Variants in TSHZ2 observed in about 807,000 individuals in gnomAD.
TSHZ2 encodes the protein teashirt zinc finger homeobox 2, also known as teashirt homolog 2.
In TSHZ2, 21 loss-of-function variants were observed where a neutral mutation model predicts 74.4. The observed-to-expected ratio is 0.28, with a 90% CI of 0.20 to 0.41. The LOEUF is 0.41. Ranked by LOEUF, TSHZ2 falls within the 10% of genes least tolerant of loss-of-function variation. The pLI, the probability that TSHZ2 is intolerant of heterozygous loss-of-function variation, is 1.00. For synonymous variants in TSHZ2, 540 were observed against 515.3 expected, an observed-to-expected ratio of 1.05 and a Z score of -0.65; for missense variants, 1,244 against 1,293.5, an observed-to-expected ratio of 0.96 and a Z score of 0.59.
chr20:53,468,122 G>GC (rs1407079599), intron 2 of TSHZ2, among the ~76,000 whole-genome samples: 1 of 152,146 alleles, frequency 6.6e-6, no homozygotes. Context: ...ATACTGAGAA[G>GC]AGATTCATGT....
At chr20:53,226,427 G>GGGGTGTGTGTGTGTGTGTGTGT (rs879256692) in intron 1 of TSHZ2, among the ~76,000 whole-genome samples, 2 of 149,564 alleles carry the variant, frequency 1.3e-5, no homozygotes, top group African/African-American at 4.9e-5. Context: ...TGTGTGGGTC[G>GGGGTGTGTGTGTGTGTGTGTGT]GTGTGTGTAT....
At chr20:53,005,433 C>T (rs1022703600) in intron 1 of TSHZ2, among the ~76,000 whole-genome samples, 2 of 152,074 alleles carry the variant, frequency 1.3e-5, no homozygotes, top group Admixed American at 6.5e-5. Context: ...CTTCCTGTTC[C>T]AGAGGAGAAA....
intron 1 of TSHZ2, among the ~76,000 whole-genome samples, chr20:53,230,045 AAGGG>A (rs1272079575): frequency 9.6e-5 from 9 of 94,002 alleles, no homozygotes; most frequent in East Asian, 3.7e-4. Flanking sequence ...GGAAAGAAGG[AAGGG>A]AGGGAGGGAG....
At position 53,458,475 on chromosome 20, in the gene TSHZ2, A is replaced by G. The variant is rs375367051; in HGVS notation, c.*9-28669A>G. Among the ~76,000 whole-genome samples the G allele has an allele frequency of 5.9e-3, 892 of 152,158 alleles. 4 individuals are homozygous for G. The highest frequency in any genetic ancestry group is 0.037 in the South Asian group (180 of 4,816). ...TTTTTTCTTTATTAGTCTTGCTAGC[A>G]GTCTATCAATTTTGTTGATCCTTTC... On this transcript the variant is annotated intron_variant, in intron 2 of 2. Transcript: ENST00000371497.
At chr20:53,417,489 G>A (rs534604797) in intron 2 of TSHZ2, among the ~76,000 whole-genome samples, 4 of 152,192 alleles carry the variant, frequency 2.6e-5, no homozygotes, top group African/African-American at 9.6e-5. Context: ...TAGAGACAGG[G>A]TTTCACTATG....
intron 2 of TSHZ2, among the ~76,000 whole-genome samples, chr20:53,410,759 T>C (rs1201200310): frequency 6.6e-6 from 1 of 151,302 alleles, no homozygotes; most frequent in Non-Finnish European, 1.5e-5. Context: ...CACTGCAGCC[T>C]CTGCCTCCCA....
intron 1 of TSHZ2, among the ~76,000 whole-genome samples, chr20:53,223,898 AAC>A (rs71675648): frequency 0.85 from 123,313 of 145,298 alleles, 52,150 homozygotes; most frequent in East Asian, 0.93. Flanking sequence ...TACAGGACTA[AAC>A]ACACACACAC....
intron 1 of TSHZ2, among the ~76,000 whole-genome samples, chr20:53,071,702 C>G (rs538742175): frequency 4.6e-5 from 7 of 152,228 alleles, no homozygotes; most frequent in Admixed American, 4.6e-4. Flanking sequence ...CTTCTGTGAC[C>G]CATCACAGGT....
intron 2 of TSHZ2, among the ~76,000 whole-genome samples, chr20:53,472,808 C>G (rs1175025723): frequency 2.6e-5 from 4 of 151,568 alleles, no homozygotes; most frequent in Non-Finnish European, 4.4e-5. Context: ...GCGCACCGTG[C>G]GCGAGCCGAA....
At chr20:52,979,622 A>T (rs991816989) in intron 1 of TSHZ2, among the ~76,000 whole-genome samples, 1 of 152,208 alleles carries the variant, frequency 6.6e-6, no homozygotes, top group Non-Finnish European at 1.5e-5. Flanking sequence ...AATAATTTGG[A>T]GGCATTTGAA....
intron 1 of TSHZ2, among the ~76,000 whole-genome samples, chr20:53,196,014 G>T (rs1988855661): frequency 6.6e-6 from 1 of 152,076 alleles, no homozygotes; most frequent in Non-Finnish European, 1.5e-5. Context: ...ATAACAAGGG[G>T]GCCAGTCTCG....
chr20:53,355,920 CTG>C (rs1015801895), intron 2 of TSHZ2, among the ~76,000 whole-genome samples: 4 of 152,132 alleles, frequency 2.6e-5, no homozygotes, highest in African/African-American at 9.7e-5. Flanking sequence ...CAGGGAGAGT[CTG>C]TGCAAAGATC....
chr20:53,415,665 A>G (rs1227499416), intron 2 of TSHZ2, among the ~76,000 whole-genome samples: 1 of 48 alleles, frequency 0.021, no homozygotes, highest in Admixed American at 0.25. Flanking sequence ...TTATTATAGT[A>G]AAACGTGATG....
intron 1 of TSHZ2, among the ~76,000 whole-genome samples, chr20:53,141,795 A>C (rs1271890134): frequency 2.0e-5 from 3 of 152,222 alleles, no homozygotes; most frequent in African/African-American, 7.2e-5. Flanking sequence ...TCAGCTTGTC[A>C]GTGTGATGAA....
At chr20:53,289,416 G>A (rs1600791913) in intron 2 of TSHZ2, among the ~76,000 whole-genome samples, 1 of 152,132 alleles carries the variant, frequency 6.6e-6, no homozygotes, top group East Asian at 1.9e-4. Flanking sequence ...AGTTGTGCTA[G>A]TTTACATTCC....
rs557161108 is a variant in TSHZ2 at position 52,978,288 on chromosome 20, G to A, written c.40+4955G>A. ...AAAGCCATTGAAATGATGCCTCACT[G>A]TTCATCACTGCAGCTGAGCTTATCA... On this transcript the variant is annotated intron_variant, in intron 1 of 2. Coordinates refer to ENST00000371497, the MANE Select transcript of TSHZ2 (RefSeq NM_173485.6). 2.0e-5 allele frequency among the ~76,000 whole-genome samples: 3 copies of A among 152,224 alleles called. No homozygotes were observed. In the South Asian group the frequency reaches 6.2e-4, roughly 32 times the overall value.
intron 1 of TSHZ2, among the ~76,000 whole-genome samples, chr20:53,141,945 A>G (rs975811909): frequency 7.2e-5 from 11 of 152,080 alleles, no homozygotes; most frequent in Non-Finnish European, 1.2e-4. Context: ...TGTGGGCTTC[A>G]CCTCCATCTG....
chr20:53,440,640 A>G (rs1024023961), intron 2 of TSHZ2, among the ~76,000 whole-genome samples: 2 of 152,230 alleles, frequency 1.3e-5, no homozygotes, highest in South Asian at 4.1e-4. Flanking sequence ...GACAATAGCC[A>G]GGGGTTCTCA....
At chr20:53,221,180 A>G (rs1398175914) in intron 1 of TSHZ2, among the ~76,000 whole-genome samples, 2 of 152,098 alleles carry the variant, frequency 1.3e-5, no homozygotes, top group African/African-American at 2.4e-5. Context: ...CATGTAAGAC[A>G]TCCCTTTGCT....
Sources: gnomAD v4.1 joint callset for allele counts (sites outside exome capture counted in the v4.1 genomes callset) on GRCh38, gnomAD v4.1.1 for gene constraint, MANE v1.5 for transcripts, NCBI Gene and HGNC (gene_info 2026-07-23, HGNC 2026-07-21) for gene names.